The following DPYD variants were observed in gnomAD, a reference collection of about 807,000 sequenced individuals.
The protein encoded by DPYD is dihydropyrimidine dehydrogenase.
In DPYD, 109 loss-of-function variants were observed where a neutral mutation model predicts 116.2. The ratio of observed to expected loss-of-function variants is 0.94; its 90% CI spans 0.80 to 1.10. The LOEUF is 1.10. DPYD is among the 50% of genes least tolerant of loss of function. The pLI, the probability that DPYD is intolerant of heterozygous loss-of-function variation, is 0.00. For missense variants in DPYD, 1,302 were observed against 1,254.5 expected, an observed-to-expected ratio of 1.04 and a Z score of -0.57; for synonymous variants, 440 against 432.0, an observed-to-expected ratio of 1.02 and a Z score of -0.23.
intron 8 of DPYD, among the ~76,000 whole-genome samples, chr1:97,628,819 T>C (rs930213223): frequency 2.0e-5 from 3 of 152,112 alleles, no homozygotes; most frequent in African/African-American, 7.2e-5. Context: ...TGTATATATG[T>C]ATGTAAATAT....
At chr1:97,772,079 C>T (rs1417414848) in intron 3 of DPYD, among the ~76,000 whole-genome samples, 1 of 152,126 alleles carries the variant, frequency 6.6e-6, no homozygotes, top group Non-Finnish European at 1.5e-5. Context: ...AGTCCTCTCA[C>T]TTTTTCTGCC....
chr1:97,087,580 G>A (rs951817373), intron 21 of DPYD, among the ~76,000 whole-genome samples: 3 of 152,200 alleles, frequency 2.0e-5, no homozygotes, highest in African/African-American at 7.2e-5. Flanking sequence ...ATTAGTGAGA[G>A]AGTCAGATGA....
intron 16 of DPYD, among the ~76,000 whole-genome samples, chr1:97,316,438 CAGGAGGTGGAGGCTGCAGTG>C (rs766354434): frequency 6.6e-6 from 1 of 151,354 alleles, no homozygotes; most frequent in Non-Finnish European, 1.5e-5. Context: ...CCTTTAAACC[CAGGAGGTGGAGGCTGCAGTG>C]AGCCGAGATT....
intron 3 of DPYD, among the ~76,000 whole-genome samples, chr1:97,767,831 C>T (rs1408846497): frequency 7.5e-6 from 1 of 133,446 alleles, no homozygotes; most frequent in African/African-American, 2.8e-5. Flanking sequence ...GATTAACTAA[C>T]ATCCAAATGT....
chr1:97,181,311 C>G (rs1296794306), intron 20 of DPYD, among the ~76,000 whole-genome samples: 1 of 152,110 alleles, frequency 6.6e-6, no homozygotes, highest in African/African-American at 2.4e-5. Flanking sequence ...AAAACTACCT[C>G]TTCCCATAAC....
intron 6 of DPYD, among the ~76,000 whole-genome samples, chr1:97,697,826 AC>A (rs751444350): frequency 3.3e-5 from 5 of 152,098 alleles, no homozygotes; most frequent in Non-Finnish European, 7.4e-5. Context: ...ATAGTAAGTT[AC>A]AAATAGGGTT....
intron 4 of DPYD, among the ~76,000 whole-genome samples, chr1:97,738,746 A>C (rs545333947): frequency 7.1e-4 from 107 of 151,698 alleles, no homozygotes; most frequent in Non-Finnish European, 1.3e-3. Context: ...AATCATCTTC[A>C]AATCTCTCAT....
chr1:97,146,305 T>C (rs1654630591), intron 20 of DPYD, among the ~76,000 whole-genome samples: 1 of 152,204 alleles, frequency 6.6e-6, no homozygotes, highest in Admixed American at 6.5e-5. Flanking sequence ...GACCATATAC[T>C]TTCTCATCTA....
chr1:97,477,776 G>A (rs932855720), intron 13 of DPYD, among the ~76,000 whole-genome samples: 14 of 151,316 alleles, frequency 9.3e-5, no homozygotes, highest in South Asian at 2.1e-4. Context: ...GCCCGCCACC[G>A]CGCCCGGCTA....
chr1:97,767,092 T>C (rs1043337607), intron 3 of DPYD, among the ~76,000 whole-genome samples: 1 of 152,166 alleles, frequency 6.6e-6, no homozygotes, highest in Non-Finnish European at 1.5e-5. Flanking sequence ...TACTGATCGG[T>C]GATTGCTAGG....
intron 18 of DPYD, among the ~76,000 whole-genome samples, chr1:97,256,308 CTCTT>C (rs1663459699): frequency 6.6e-6 from 1 of 152,076 alleles, no homozygotes; most frequent in African/African-American, 2.4e-5. Flanking sequence ...CCTTCCTTCT[CTCTT>C]TCTTTTATAT....
Position 97,846,576 on chromosome 1 carries a change from G to T in DPYD, c.151-18380C>A, listed in dbSNP as rs577621682. 2.0e-5 allele frequency among the ~76,000 whole-genome samples: 3 copies of T among 152,328 alleles called. No homozygotes were observed. The South Asian group carries it at 6.2e-4, about 32-fold the overall frequency. ...TTAAGTTGCAGAACACCTAGTTGGTGTCCTCAGAGAACTGGAGAATTACTT... is the reference window on the plus strand; with the variant it reads ...TTAAGTTGCAGAACACCTAGTTGGTTTCCTCAGAGAACTGGAGAATTACTT... On this transcript the variant is annotated intron_variant, in intron 2 of 22. Coordinates refer to ENST00000370192, the MANE Select transcript of DPYD (RefSeq NM_000110.4).
chr1:97,824,735 G>T lies in DPYD; in HGVS notation c.233+3379C>A, dbSNP rs1191820093. 3.3e-5 allele frequency among the ~76,000 whole-genome samples: 5 copies of T among 152,142 alleles called. No individual in the cohort carries two copies. The South Asian group carries it at 1.0e-3, about 32-fold the overall frequency. On this transcript the variant is annotated intron_variant, in intron 3 of 22. Transcript: ENST00000370192. ...GTCTAGTCTTACTCTGTTAGAGAAGGTTATTCAGAATTTTAAATCCCAAAA... is the reference window on the plus strand; with the variant it reads ...GTCTAGTCTTACTCTGTTAGAGAAGTTTATTCAGAATTTTAAATCCCAAAA...
At chr1:97,887,812 G>A (rs1162956812) in intron 1 of DPYD, among the ~76,000 whole-genome samples, 2 of 151,900 alleles carry the variant, frequency 1.3e-5, no homozygotes, top group African/African-American at 4.8e-5. Context: ...TGAATCATGG[G>A]GCCAGTTACC....
chr1:97,581,335 A>G, intron 10 of DPYD, among the ~76,000 whole-genome samples: 1 of 148,608 alleles, frequency 6.7e-6, no homozygotes, highest in African/African-American at 2.5e-5. Flanking sequence ...TCAAAAAAAA[A>G]AAAAAAAAAA....
intron 14 of DPYD, among the ~76,000 whole-genome samples, chr1:97,431,171 G>C (rs1675158390): frequency 6.6e-6 from 1 of 152,070 alleles, no homozygotes; most frequent in Admixed American, 6.6e-5. Flanking sequence ...GAGAAAAAAT[G>C]TTTTGTGAGA....
intron 2 of DPYD, among the ~76,000 whole-genome samples, chr1:97,851,963 T>G (rs1321551930): frequency 1.4e-5 from 2 of 145,916 alleles, no homozygotes; most frequent in Admixed American, 7.0e-5. Context: ...GTTGTGCACA[T>G]GTACCCTAGA....
At chr1:97,635,385 G>A (rs148665860) in intron 8 of DPYD, among the ~76,000 whole-genome samples, 355 of 152,204 alleles carry the variant, frequency 2.3e-3, no homozygotes, top group African/African-American at 8.4e-3. Flanking sequence ...AGAGCTAGGG[G>A]TGGCCAGGGT....
At chr1:97,214,959 A>G (rs1660278378) in intron 19 of DPYD, among the ~76,000 whole-genome samples, 1 of 152,212 alleles carries the variant, frequency 6.6e-6, no homozygotes, top group South Asian at 2.1e-4. Flanking sequence ...ACCCTGAGCT[A>G]AGATACATAC....
Sources: allele counts gnomAD v4.1 joint callset (sites outside exome capture counted in the v4.1 genomes callset), GRCh38; gene constraint gnomAD v4.1.1; transcripts MANE v1.5; gene names NCBI Gene and HGNC (gene_info 2026-07-23, HGNC 2026-07-21).